The following ZFHX3 variants were observed in gnomAD, a reference collection of about 807,000 sequenced individuals.
The protein encoded by ZFHX3 is zinc finger homeobox protein 3.
In ZFHX3, 42 loss-of-function variants were observed where a neutral mutation model predicts 279.1. The ratio of observed to expected loss-of-function variants is 0.15; its 90% confidence interval spans 0.12 to 0.19. The LOEUF (loss-of-function observed/expected upper bound fraction) is 0.19, where lower values mean the gene tolerates loss of function less well. Among genes scored for constraint, ZFHX3 ranks in the 10% least tolerant of loss-of-function variants. The pLI is 1.00. For synonymous variants in ZFHX3, 2,293 were observed against 1,957.8 expected, an observed-to-expected ratio of 1.17 and a Z score of -4.52; for missense variants, 4,981 against 4,754.0, an observed-to-expected ratio of 1.05 and a Z score of -1.40.
intron 2 of ZFHX3, among the ~76,000 whole-genome samples, chr16:73,602,712 T>A (rs915880594): frequency 6.7e-6 from 1 of 149,106 alleles, no homozygotes; most frequent in Non-Finnish European, 1.5e-5. Context: ...TTTGGGAGGC[T>A]CAGGGGGGCA....
intron 1 of ZFHX3, among the ~76,000 whole-genome samples, chr16:73,036,124 G>A (rs1033294248): frequency 1.5e-4 from 23 of 152,262 alleles, no homozygotes; most frequent in Non-Finnish European, 2.9e-4. Context: ...ACGCGTGCGC[G>A]CGCATAGACA....
chr16:73,132,144 A>G (rs1224280143), intron 6 of ZFHX3, among the ~76,000 whole-genome samples: 1 of 152,068 alleles, frequency 6.6e-6, no homozygotes, highest in Non-Finnish European at 1.5e-5. Context: ...AATTAGCCCC[A>G]TGAGGTGGCA....
At chr16:73,379,648 A>C (rs2016786298) in intron 3 of ZFHX3, among the ~76,000 whole-genome samples, 1 of 152,170 alleles carries the variant, frequency 6.6e-6, no homozygotes, top group Non-Finnish European at 1.5e-5. Context: ...AAGGAAGAGG[A>C]CCCTGCTGGT....
At position 72,787,624 on chromosome 16, in the gene ZFHX3, G is replaced by A. The variant is rs2143277480; in HGVS notation, c.10652C>T (p.Ala3551Val). The change falls in exon 10 of 10, where the codon GCC becomes GTC. Residue 3551 changes from alanine (A) to valine (V), a missense_variant. By Grantham distance (64) the Ala-to-Val change is moderately conservative. Around this residue, in one of 7 missense-constraint regions of ZFHX3, gnomAD observed 1,034 missense variants for 786.0 expected, o/e 1.32. Coordinates refer to ENST00000268489, the MANE Select transcript of ZFHX3 (RefSeq NM_006885.4). ...CGTGATTGTTCTGTGTTTGTGCAAG[G>A]CCGACTCGAGATGTTGACTCAGAGC... ...EEALSQHLES[A>V]LHKHRTITRA... 6.2e-7 allele frequency: 1 copy of A among 1,613,100 alleles called. No individual in the cohort carries two copies. The highest frequency in any genetic ancestry group is 8.5e-7 in the Non-Finnish European group (1 of 1,179,504).
chr16:72,793,139 A>G lies in ZFHX3; in HGVS notation c.9427+116T>C. 6.7e-7 allele frequency: 1 copy of G among 1,494,258 alleles called. No individual in the cohort carries two copies. The highest frequency in any genetic ancestry group is 1.4e-5 in the South Asian group (1 of 72,478). The allele number at this position is 1,494,258 out of a possible 1,614,324, so 92.6% of individuals were successfully genotyped here. A position where few individuals can be genotyped will look rare whatever the true frequency, so the allele number is the denominator to read the frequency against. On this transcript the variant is annotated intron_variant, in intron 9 of 9. Transcript: ENST00000268489. This position sits in a 1 kb window ranked among gnomAD's most constrained non-coding sequence, Gnocchi z 4.3. Reference sequence around the variant, plus strand: ...GAAGTCTTGTTGCTTTTAAAGAACTAGAAAGGTAAGCTTCCCATCTGCCCA... The same window carrying G: ...GAAGTCTTGTTGCTTTTAAAGAACTGGAAAGGTAAGCTTCCCATCTGCCCA...
At chr16:72,923,608 G>A (rs889862028) in intron 3 of ZFHX3, among the ~76,000 whole-genome samples, 16 of 151,932 alleles carry the variant, frequency 1.1e-4, no homozygotes, top group African/African-American at 2.7e-4. Context: ...CTCTGAGCCT[G>A]TTTTATACAT....
chr16:73,841,879 A>G (rs899214543), intron 1 of ZFHX3, among the ~76,000 whole-genome samples: 1 of 152,166 alleles, frequency 6.6e-6, no homozygotes, highest in Admixed American at 6.5e-5. Context: ...TAGTCTGTAC[A>G]TGTGCAACCC....
intron 1 of ZFHX3, among the ~76,000 whole-genome samples, chr16:73,022,943 T>C (rs1031623197): frequency 6.6e-6 from 1 of 152,174 alleles, no homozygotes; most frequent in Non-Finnish European, 1.5e-5. Context: ...AAACATAGTA[T>C]GTGGCCAGGT....
At chr16:73,194,804 C>G (rs955711660) in intron 5 of ZFHX3, among the ~76,000 whole-genome samples, 1 of 152,134 alleles carries the variant, frequency 6.6e-6, no homozygotes, top group Non-Finnish European at 1.5e-5. Context: ...AGCCAAGAGT[C>G]ACTTTGTTAA....
At chr16:73,720,009 T>C (rs879664289) in intron 1 of ZFHX3, among the ~76,000 whole-genome samples, 3 of 152,208 alleles carry the variant, frequency 2.0e-5, no homozygotes, top group Non-Finnish European at 2.9e-5. Context: ...ATCTGTGAAA[T>C]TGATGAGTAA....
At chr16:72,942,554 AC>A (rs1960462065) in intron 3 of ZFHX3, among the ~76,000 whole-genome samples, 1 of 151,822 alleles carries the variant, frequency 6.6e-6, no homozygotes, top group South Asian at 2.1e-4. Context: ...CTGAAATTAG[AC>A]CTCCTTGCTG....
At chr16:73,188,473 G>C (rs1469967871) in intron 5 of ZFHX3, among the ~76,000 whole-genome samples, 1 of 152,166 alleles carries the variant, frequency 6.6e-6, no homozygotes, top group African/African-American at 2.4e-5. Context: ...ATGAGCTTCG[G>C]TCCACCTTCC....
At chr16:73,467,565 C>T (rs777739670) in intron 2 of ZFHX3, among the ~76,000 whole-genome samples, 2 of 152,156 alleles carry the variant, frequency 1.3e-5, no homozygotes, top group Non-Finnish European at 2.9e-5. Flanking sequence ...GGCAGAGGGA[C>T]AAACAGATGG....
At chr16:73,705,449 A>G (rs2053293793) in intron 1 of ZFHX3, among the ~76,000 whole-genome samples, 1 of 152,138 alleles carries the variant, frequency 6.6e-6, no homozygotes. Flanking sequence ...GGGCCAGTAT[A>G]CTCTGATGCT....
intron 5 of ZFHX3, among the ~76,000 whole-genome samples, chr16:73,154,035 C>T (rs113892188): frequency 1.3e-5 from 2 of 152,148 alleles, no homozygotes; most frequent in African/African-American, 2.4e-5. Context: ...CCAAATCACA[C>T]GTCTGCAGAG....
At chr16:73,841,392 G>T (rs970692852) in intron 1 of ZFHX3, among the ~76,000 whole-genome samples, 1 of 152,174 alleles carries the variant, frequency 6.6e-6, no homozygotes, top group African/African-American at 2.4e-5. Context: ...GCCATAGACT[G>T]CAGGGGAGAC....
At chr16:73,654,588 C>G (rs949187893) in intron 2 of ZFHX3, among the ~76,000 whole-genome samples, 23 of 151,996 alleles carry the variant, frequency 1.5e-4, no homozygotes, top group African/African-American at 5.1e-4. Flanking sequence ...TTAAACAATT[C>G]CAGCAATTTA....
intron 2 of ZFHX3, among the ~76,000 whole-genome samples, chr16:73,591,437 T>C (rs2051995142): frequency 6.6e-6 from 1 of 151,842 alleles, no homozygotes; most frequent in Non-Finnish European, 1.5e-5. Flanking sequence ...CTCATGCCTG[T>C]AATCCCAGCA....
chr16:73,688,182 C>T (rs561430398), intron 1 of ZFHX3, among the ~76,000 whole-genome samples: 1 of 151,662 alleles, frequency 6.6e-6, no homozygotes, highest in South Asian at 2.1e-4. Context: ...CATGGTGAAA[C>T]CCCGTCTCTA....
Sources: gnomAD v4.1 joint callset for allele counts (sites outside exome capture counted in the v4.1 genomes callset) on GRCh38, gnomAD v4.1.1 for gene constraint, gnomAD v4.1.1 regional missense constraint, Gnocchi (gnomAD v3.1) non-coding constraint, MANE v1.5 for transcripts, NCBI Gene and HGNC (gene_info 2026-07-23, HGNC 2026-07-21) for gene names.